The following ARHGAP42 variants were observed in gnomAD, a reference collection of about 807,000 sequenced individuals.
The protein encoded by ARHGAP42 is rho GTPase-activating protein 42.
In ARHGAP42, 63 loss-of-function variants were observed where a neutral mutation model predicts 125.0. That is an observed-to-expected ratio of 0.50 (90% confidence interval 0.41 to 0.62). The LOEUF (loss-of-function observed/expected upper bound fraction) is 0.62. ARHGAP42 is among the 20% of genes least tolerant of loss of function. The pLI is 0.00. For synonymous variants in ARHGAP42, 339 were observed against 351.0 expected (o/e 0.97, Z 0.38); for missense variants, 766 against 1,024.2 (o/e 0.75, Z 3.44).
At chr11:100,808,204 G>A (rs1275744491) in intron 3 of ARHGAP42, among the ~76,000 whole-genome samples, 1 of 152,118 alleles carries the variant, frequency 6.6e-6, no homozygotes, top group African/African-American at 2.4e-5. Context: ...CAGATATTCA[G>A]AAATAAGGGA....
At chr11:100,858,842 T>A (rs1408282738) in intron 3 of ARHGAP42, among the ~76,000 whole-genome samples, 1 of 152,086 alleles carries the variant, frequency 6.6e-6, no homozygotes, top group Non-Finnish European at 1.5e-5. Flanking sequence ...AACATTCCCC[T>A]CCAGAATAAT....
chr11:100,917,537 A>T (rs563745711), intron 5 of ARHGAP42, among the ~76,000 whole-genome samples: 1 of 152,062 alleles, frequency 6.6e-6, no homozygotes, highest in African/African-American at 2.4e-5. Flanking sequence ...TTTTTAAATT[A>T]TCTGTTAATG....
At chr11:100,855,652 G>A (rs1865306482) in intron 3 of ARHGAP42, among the ~76,000 whole-genome samples, 1 of 151,970 alleles carries the variant, frequency 6.6e-6, no homozygotes, top group African/African-American at 2.4e-5. Context: ...AATGATTTAT[G>A]TGCACCCCCT....
At chr11:100,954,303 T>A (rs935366249) in intron 12 of ARHGAP42, among the ~76,000 whole-genome samples, 4 of 152,180 alleles carry the variant, frequency 2.6e-5, no homozygotes, top group Non-Finnish European at 5.9e-5. Context: ...CTACTCCAGG[T>A]ACTGCGAGTA....
chr11:100,836,455 A>G (rs1274293697), intron 3 of ARHGAP42, among the ~76,000 whole-genome samples: 1 of 152,096 alleles, frequency 6.6e-6, no homozygotes, highest in Non-Finnish European at 1.5e-5. Context: ...ACCATGCAAT[A>G]TTTATGGCAT....
intron 3 of ARHGAP42, among the ~76,000 whole-genome samples, chr11:100,844,657 A>C (rs1054273593): frequency 6.6e-6 from 1 of 152,202 alleles, no homozygotes; most frequent in Non-Finnish European, 1.5e-5. Flanking sequence ...CAATTCTAAA[A>C]GGAGATAGAC....
At chr11:100,711,584 C>T (rs1861566357) in intron 1 of ARHGAP42, among the ~76,000 whole-genome samples, 1 of 152,190 alleles carries the variant, frequency 6.6e-6, no homozygotes, top group African/African-American at 2.4e-5. Flanking sequence ...TCTTGAACTC[C>T]TGAGGTCAAG....
At chr11:100,876,154 A>T (rs1303924350) in intron 4 of ARHGAP42, among the ~76,000 whole-genome samples, 1 of 152,232 alleles carries the variant, frequency 6.6e-6, no homozygotes, top group Non-Finnish European at 1.5e-5. Context: ...CCTATGTTGG[A>T]AAACCACAGA....
intron 10 of ARHGAP42, among the ~76,000 whole-genome samples, chr11:100,947,692 A>G (rs78898146): frequency 0.05 from 7,527 of 151,946 alleles, 326 homozygotes; most frequent in East Asian, 0.25. Flanking sequence ...TGCAGAAGAG[A>G]TGTATGTTAT....
chr11:100,690,788 G>C (rs1404932491), intron 1 of ARHGAP42, among the ~76,000 whole-genome samples: 1 of 151,952 alleles, frequency 6.6e-6, no homozygotes, highest in Non-Finnish European at 1.5e-5. Context: ...TTTTAGTAGA[G>C]ATGGGGTTTC....
chr11:100,825,270 A>G (rs1029654035), intron 3 of ARHGAP42, among the ~76,000 whole-genome samples: 5 of 152,284 alleles, frequency 3.3e-5, no homozygotes, highest in Admixed American at 3.3e-4. Flanking sequence ...TATTTCTCAT[A>G]CTATGCCTTG....
At position 100,993,346 on chromosome 11, in the gene ARHGAP42, C is replaced by T. The variant is rs1467323813; in HGVS notation, c.*4545C>T. The T allele has an allele frequency of 1.2e-5, 2 of 165,400 alleles. No individual in the cohort carries two copies. The highest frequency in any genetic ancestry group is 4.9e-5 in the African/African-American group (2 of 41,204). The allele number at this position is 165,400 out of a possible 1,614,324, so 10.2% of individuals were successfully genotyped here. The stretch of plus-strand genomic sequence containing the variant: ...CATATACATATATATATATAAAATG[C>T]ACACTTTTAATCTCTATATGGCAGC... On this transcript the variant is annotated 3_prime_UTR_variant, in exon 24 of 24. Coordinates refer to ENST00000298815, the MANE Select transcript of ARHGAP42 (RefSeq NM_152432.4).
At chr11:100,953,607 A>T (rs1056824541) in intron 12 of ARHGAP42, among the ~76,000 whole-genome samples, 5 of 152,192 alleles carry the variant, frequency 3.3e-5, no homozygotes, top group African/African-American at 1.2e-4. Context: ...ACTCTTTGTG[A>T]GACTAACATG....
At chr11:100,868,578 A>G (rs1865629227) in intron 4 of ARHGAP42, among the ~76,000 whole-genome samples, 1 of 152,252 alleles carries the variant, frequency 6.6e-6, no homozygotes, top group Non-Finnish European at 1.5e-5. Flanking sequence ...CAGAAATGAG[A>G]TAAAACATAC....
rs758647023 is a variant in ARHGAP42, at chr11:100,897,896, A to C, written c.385-15556A>C. ...CACTATGTTGAATAGGAGTGGTGAGAGAGGGCATCCTTGTCCTGTGCTGGT... is the reference window on the plus strand; with the variant it reads ...CACTATGTTGAATAGGAGTGGTGAGCGAGGGCATCCTTGTCCTGTGCTGGT... On this transcript the variant is annotated intron_variant, in intron 4 of 23. Transcript: ENST00000298815. 2.8e-4 allele frequency among the ~76,000 whole-genome samples: 43 copies of C among 152,146 alleles called. 1 individual carries two copies. The highest frequency in any genetic ancestry group is 4.3e-4 in the Non-Finnish European group (29 of 68,030).
intron 1 of ARHGAP42, among the ~76,000 whole-genome samples, chr11:100,744,538 C>CTGTGTG (rs34640167): frequency 1.3e-4 from 19 of 148,534 alleles, no homozygotes; most frequent in African/African-American, 3.2e-4. Flanking sequence ...ATATTTTACT[C>CTGTGTG]TGTGTGTGTG....
chr11:100,868,911 T>C (rs1865637336), intron 4 of ARHGAP42, among the ~76,000 whole-genome samples: 1 of 152,180 alleles, frequency 6.6e-6, no homozygotes, highest in African/African-American at 2.4e-5. Context: ...TAGTAAGTAC[T>C]AAAATGTTAA....
chr11:100,909,858 T>C (rs1591288082), intron 4 of ARHGAP42, among the ~76,000 whole-genome samples: 1 of 152,244 alleles, frequency 6.6e-6, no homozygotes, highest in African/African-American at 2.4e-5. Flanking sequence ...TATTTTAATA[T>C]ATTTTTATCT....
At position 100,919,272 on chromosome 11, in the gene ARHGAP42, G is replaced by A. The variant is rs185608873; in HGVS notation, c.487-2222G>A. ...CGTACCCAAATTCCAAACTCCCAGA[G>A]GGAAAGGAGATATTTGCATAAACCG... is the stretch of plus-strand genomic sequence containing the variant. On this transcript the variant is annotated intron_variant, in intron 5 of 23. Coordinates refer to ENST00000298815, the MANE Select transcript of ARHGAP42 (RefSeq NM_152432.4). Among the ~76,000 whole-genome samples, 98 of 152,260 alleles carry A rather than the reference G, an allele frequency of 6.4e-4. 1 individual carries two copies. Among genetic ancestry groups the A allele is most frequent in the Middle Eastern group, 3.4e-3 (1 of 294 alleles).
Sources: allele counts gnomAD v4.1 joint callset (sites outside exome capture counted in the v4.1 genomes callset), GRCh38; gene constraint gnomAD v4.1.1; transcripts MANE v1.5; gene names NCBI Gene and HGNC (gene_info 2026-07-23, HGNC 2026-07-21).